ITGA4: variants seen among roughly 807,000 people sequenced by gnomAD.
The protein encoded by ITGA4 is integrin alpha-4.
Under a neutral mutation model 133.6 loss-of-function variants are expected in ITGA4, and 63 were observed. That is an observed-to-expected ratio of 0.47 (90% CI 0.38 to 0.58). The LOEUF (loss-of-function observed/expected upper bound fraction) is 0.58. ITGA4 is among the 20% of genes least tolerant of loss of function. ITGA4 has a pLI of 0.00. For synonymous variants in ITGA4, 483 were observed against 438.0 expected (o/e 1.10, Z -1.28); for missense variants, 1,076 against 1,252.7 (o/e 0.86, Z 2.13).
intron 15 of ITGA4, among the ~76,000 whole-genome samples, chr2:181,502,625 C>G (rs1488354906): frequency 6.6e-6 from 1 of 152,050 alleles, no homozygotes; most frequent in Admixed American, 6.6e-5. Flanking sequence ...CTTTAATAAT[C>G]TCAGTGAACT....
At chr2:181,518,580 C>T (rs1024785976) in intron 17 of ITGA4, among the ~76,000 whole-genome samples, 3 of 151,876 alleles carry the variant, frequency 2.0e-5, no homozygotes, top group African/African-American at 7.3e-5. Context: ...TAGCAAGAGC[C>T]TGCATTTTTT....
In ITGA4 at chr2:181,537,686, T is replaced by C. The variant is rs768225177; in HGVS notation, c.*2159T>C. ...ATTTCAGAATTATCTAGGTTAAATA[T>C]TGATGTATTATGATGGTTGCAAAGT... On this transcript the variant is annotated 3_prime_UTR_variant, in exon 28 of 28. Coordinates refer to ENST00000397033, the MANE Select transcript of ITGA4 (RefSeq NM_000885.6). The C allele has an allele frequency of 4.6e-5, 20 of 432,680 alleles. No homozygotes were observed. The highest frequency in any genetic ancestry group is 1.3e-4 in the South Asian group (8 of 59,704). 26.8% of individuals were successfully genotyped at this position (432,680 alleles called of 1,614,324 possible).
At chr2:181,527,909 T>C (rs974222476) in intron 22 of ITGA4, among the ~76,000 whole-genome samples, 4 of 152,176 alleles carry the variant, frequency 2.6e-5, no homozygotes, top group African/African-American at 9.7e-5. Context: ...AAGTAAAGAG[T>C]ACTATCGTAA....
rs1559063931 is a variant in ITGA4 at position 181,537,498 on chromosome 2, C to CAGGT, written c.*1975_*1978dup. On this transcript the variant is annotated 3_prime_UTR_variant, in exon 28 of 28. Transcript: ENST00000397033. ...ACAGGGATGGGTTATTCTTTTTTGG[C>CAGGT]AGGTAGGCTATATAACTATGTGATT... is the stretch of plus-strand genomic sequence containing the variant. 2 of 453,374 alleles carry CAGGT rather than the reference C, an allele frequency of 4.4e-6. No homozygotes were observed. Among genetic ancestry groups the CAGGT allele is most frequent in the Non-Finnish European group, 8.8e-6 (2 of 226,470 alleles). The allele number at this position is 453,374 out of a possible 1,614,324, so 28.1% of individuals were successfully genotyped here.
chr2:181,482,725 A>G, intron 9 of ITGA4, 74 bp downstream of exon 9: 9 of 1,388,188 alleles, frequency 6.5e-6, no homozygotes, highest in South Asian at 3.6e-5. Context: ...TATTCCAGAG[A>G]TCTGAGATTG....
Position 181,536,102 on chromosome 2 carries a change from A to ATGAATATTATAGTATT in ITGA4, c.*576_*591dup, listed in dbSNP as rs1687074196. ...AACAACCATTTTTTTTCAGCAGACT[A>ATGAATATTATAGTATT]TGAATATTATAGTATTATAGGCCAA... On this transcript the variant is annotated 3_prime_UTR_variant, in exon 28 of 28. Coordinates refer to ENST00000397033, the MANE Select transcript of ITGA4 (RefSeq NM_000885.6). 1 of 151,156 alleles carries ATGAATATTATAGTATT rather than the reference A, an allele frequency of 6.6e-6. No homozygotes were observed. The highest frequency in any genetic ancestry group is 2.5e-5 in the African/African-American group (1 of 40,666). The allele number at this position is 151,156 out of a possible 1,614,324, so 9.4% of individuals were successfully genotyped here.
At chr2:181,487,140 T>C (rs914798460) in intron 10 of ITGA4, among the ~76,000 whole-genome samples, 3 of 152,190 alleles carry the variant, frequency 2.0e-5, no homozygotes, top group African/African-American at 4.8e-5. Context: ...GTGTATATAC[T>C]TTTGGTTATT....
chr2:181,537,691 G>A lies in ITGA4; in HGVS notation c.*2164G>A, dbSNP rs200689467. The A allele has an allele frequency of 1.6e-5, 7 of 425,474 alleles. No individual in the cohort carries two copies. The highest frequency in any genetic ancestry group is 2.3e-5 in the Non-Finnish European group (5 of 214,590). The allele number at this position is 425,474 out of a possible 1,614,324, so 26.4% of individuals were successfully genotyped here. On this transcript the variant is annotated 3_prime_UTR_variant, in exon 28 of 28. Transcript: ENST00000397033. ...AGAATTATCTAGGTTAAATATTGATGTATTATGATGGTTGCAAAGTTTTTT... is the reference window on the plus strand; with the variant it reads ...AGAATTATCTAGGTTAAATATTGATATATTATGATGGTTGCAAAGTTTTTT...
Position 181,516,271 on chromosome 2 carries a change from G to T in ITGA4, c.1922+4496G>T, listed in dbSNP as rs1261009675. Reference sequence around the variant, plus strand: ...TCCCTGAACAATTGCTTCTGTATCTGCTAGGAATACTTTTAATTGCAAGTT... The same window carrying T: ...TCCCTGAACAATTGCTTCTGTATCTTCTAGGAATACTTTTAATTGCAAGTT... On this transcript the variant is annotated intron_variant, in intron 17 of 27. Coordinates refer to ENST00000397033, the MANE Select transcript of ITGA4 (RefSeq NM_000885.6). The surrounding 1 kb of genome is among the most constrained non-coding windows in gnomAD (Gnocchi z 4.0). Among the ~76,000 whole-genome samples, 2 of 152,000 alleles carry T rather than the reference G, an allele frequency of 1.3e-5. No individual in the cohort carries two copies. Among genetic ancestry groups the T allele is most frequent in the African/African-American group, 4.8e-5 (2 of 41,396 alleles).
chr2:181,475,829 G>A (rs1327375416), intron 4 of ITGA4: 2 of 1,602,774 alleles, frequency 1.2e-6, no homozygotes, highest in African/African-American at 1.3e-5. Flanking sequence ...GGTAGCATCA[G>A]CAAGTACAGA....
At chr2:181,480,662 A>T (rs155096) in intron 6 of ITGA4, among the ~76,000 whole-genome samples, 1 of 151,920 alleles carries the variant, frequency 6.6e-6, no homozygotes, top group African/African-American at 2.4e-5. Context: ...AAACATCTGC[A>T]TAAGTAAGTA....
intron 17 of ITGA4, among the ~76,000 whole-genome samples, chr2:181,518,466 G>A (rs1686654331): frequency 6.6e-6 from 1 of 152,024 alleles, no homozygotes; most frequent in East Asian, 1.9e-4. Context: ...AAATAATGAA[G>A]CTTCTATTAT....
chr2:181,527,461 T>A, intron 22 of ITGA4, 74 bp downstream of exon 22: 2 of 1,014,696 alleles, frequency 2.0e-6, no homozygotes, highest in East Asian at 5.1e-5. Flanking sequence ...CCAAGGGACA[T>A]TGTACACCTA....
intron 10 of ITGA4, among the ~76,000 whole-genome samples, chr2:181,488,621 T>C (rs956014910): frequency 3.9e-5 from 6 of 151,902 alleles, no homozygotes; most frequent in Admixed American, 3.3e-4. Context: ...TGCAGTGGCA[T>C]GATCTGGGCT....
chr2:181,508,372 T>A (rs1338626051), intron 15 of ITGA4, among the ~76,000 whole-genome samples: 1 of 152,042 alleles, frequency 6.6e-6, no homozygotes, highest in African/African-American at 2.4e-5. Flanking sequence ...AAGAGTTCTT[T>A]GTGAAGTATA....
In ITGA4 at chr2:181,480,155, G is replaced by T; in HGVS notation, c.643G>T (p.Ala215Ser). The T allele has an allele frequency of 6.5e-7, 1 of 1,548,926 alleles. No homozygotes were observed. Residue 215 changes from alanine to serine, a missense_variant, in exon 6 of 28, where the codon GCC (alanine) becomes TCC (serine). Around this residue, in one of 4 missense-constraint regions of ITGA4, gnomAD observed 436 missense variants for 590.7 expected, o/e 0.74. Coordinates refer to ENST00000397033, the MANE Select transcript of ITGA4 (RefSeq NM_000885.6). ...FYTKDLIVMG[A>S]PGSSYWTGSL... is the part of the protein sequence containing the mutation. ...CTTACAGGATTTAATTGTGATGGGG[G>T]CCCCAGGATCATCTTACTGGACTGG... is the stretch of plus-strand genomic sequence containing the variant.
rs889628031 is a variant in ITGA4 at position 181,536,634 on chromosome 2, A to G, written c.*1107A>G. 3 of 163,520 alleles carry G rather than the reference A, an allele frequency of 1.8e-5. No individual in the cohort carries two copies. The highest frequency in any genetic ancestry group is 7.2e-5 in the African/African-American group (3 of 41,502). The allele number at this position is 163,520 out of a possible 1,614,324, so 10.1% of individuals were successfully genotyped here. A position where few individuals can be genotyped will look rare whatever the true frequency, so the allele number is the denominator to read the frequency against. On this transcript the variant is annotated 3_prime_UTR_variant, in exon 28 of 28. Transcript: ENST00000397033. ...AATTTAGCTGAAAGATACTGATTCAATTTGTATACAGTGAATATAAATGAG... is the reference window on the plus strand; with the variant it reads ...AATTTAGCTGAAAGATACTGATTCAGTTTGTATACAGTGAATATAAATGAG...
intron 27 of ITGA4, 109 bp downstream of exon 27, chr2:181,535,044 CTT>C: frequency 8.0e-7 from 1 of 1,255,436 alleles, no homozygotes. Flanking sequence ...TGAATGTTAA[CTT>C]TTTATGTTGC....
At chr2:181,498,478 G>C (rs1686202847) in intron 14 of ITGA4, 145 bp from the exon 15 acceptor site, 1 of 436,502 alleles carries the variant, frequency 2.3e-6, no homozygotes, top group East Asian at 3.5e-5. Context: ...TCATATTTCA[G>C]GTTAGTCTTT....
Sources: allele counts gnomAD v4.1 joint callset (sites outside exome capture counted in the v4.1 genomes callset), GRCh38; gene constraint gnomAD v4.1.1; regional missense constraint gnomAD v4.1.1; non-coding constraint Gnocchi (gnomAD v3.1); transcripts MANE v1.5; gene names NCBI Gene and HGNC (gene_info 2026-07-23, HGNC 2026-07-21).